The following NBAS variants were observed in gnomAD, a reference collection of about 807,000 sequenced individuals.
The protein encoded by NBAS is NAG/BC035112 fusion.
A neutral mutation model predicts 302.5 loss-of-function variants in NBAS; 219 were observed. That is an observed-to-expected ratio of 0.72 (90% confidence interval 0.65 to 0.81). The LOEUF is 0.81. Ranked by LOEUF, NBAS falls within the 30% of genes least tolerant of loss-of-function variation. NBAS has a pLI of 0.00. For synonymous variants in NBAS, 1,118 were observed against 1,021.6 expected (o/e 1.09, Z -1.80); for missense variants, 2,932 against 2,841.6 (o/e 1.03, Z -0.72).
chr2:15,008,221 G>A, the NBAS span, among the ~76,000 whole-genome samples: 3 of 152,132 alleles, frequency 2.0e-5, no homozygotes, highest in African/African-American at 7.2e-5. Context: ...GTCCGCATAG[G>A]GCCTCATCAT....
At chr2:14,784,039 T>A in the NBAS span, among the ~76,000 whole-genome samples, 128 of 143,008 alleles carry the variant, frequency 9.0e-4, no homozygotes, top group South Asian at 2.8e-3. Flanking sequence ...GGTATCTCAT[T>A]GTAGTTTTGA....
At chr2:14,933,477 C>A in the NBAS span, among the ~76,000 whole-genome samples, 1 of 152,164 alleles carries the variant, frequency 6.6e-6, no homozygotes, top group African/African-American at 2.4e-5. Context: ...TAATTATTAA[C>A]TGTAACATTA....
chr2:15,391,729 T>C (rs1420957536), intron 28 of NBAS, among the ~76,000 whole-genome samples: 1 of 151,850 alleles, frequency 6.6e-6, no homozygotes, highest in African/African-American at 2.4e-5. Context: ...GAAATTAAAT[T>C]TGAAACTGAT....
Position 15,450,258 on chromosome 2 carries a change from G to A in NBAS, c.2339+10943C>T, listed in dbSNP as rs1678944180. Among the ~76,000 whole-genome samples, 3 of 152,038 alleles carry A rather than the reference G, an allele frequency of 2.0e-5. No individual in the cohort carries two copies. The South Asian group carries it at 6.2e-4, about 32-fold the overall frequency. ...TTCATTTTCACCTAACAAATTAATT[G>A]GGAATATATTTTGTACTCTGTGAAT... On this transcript the variant is annotated intron_variant, in intron 21 of 51. Transcript: ENST00000281513.
In NBAS at chr2:15,277,121, G is replaced by A. The variant is rs1219813432; in HGVS notation, c.5139-20C>T. The A allele has an allele frequency of 4.3e-6, 7 of 1,611,670 alleles. No individual in the cohort carries two copies. The highest frequency in any genetic ancestry group is 1.1e-5 in the South Asian group (1 of 90,698). On this transcript the variant is annotated intron_variant, in intron 42 of 51. Transcript: ENST00000281513. ...GACAAACTGAAATTAAGAGCCAAAG[G>A]AACTGTGTTAAGATTTTGTTCCTTT... is the stretch of plus-strand genomic sequence containing the variant.
the NBAS span, among the ~76,000 whole-genome samples, chr2:14,900,574 T>C: frequency 6.6e-6 from 1 of 152,214 alleles, no homozygotes; most frequent in Admixed American, 6.5e-5. Flanking sequence ...AAGAATTCCT[T>C]CTCTTCTATA....
chr2:15,541,012 C>A (rs1663789257), intron 6 of NBAS, among the ~76,000 whole-genome samples: 1 of 152,150 alleles, frequency 6.6e-6, no homozygotes, highest in Non-Finnish European at 1.5e-5. Flanking sequence ...GCGTGAGCCA[C>A]CGCACCCCGC....
chr2:14,878,436 C>T, the NBAS span, among the ~76,000 whole-genome samples: 1 of 152,110 alleles, frequency 6.6e-6, no homozygotes, highest in Non-Finnish European at 1.5e-5. Context: ...TGCATGTGAG[C>T]TGCTTACCAA....
chr2:15,557,532 C>T (rs1479185036), intron 2 of NBAS, among the ~76,000 whole-genome samples: 3 of 152,046 alleles, frequency 2.0e-5, no homozygotes, highest in Non-Finnish European at 4.4e-5. Flanking sequence ...TATGCTAGTG[C>T]TTCTTGTATC....
At chr2:14,971,116 T>C in the NBAS span, among the ~76,000 whole-genome samples, 5 of 152,188 alleles carry the variant, frequency 3.3e-5, no homozygotes, top group African/African-American at 9.7e-5. Flanking sequence ...CTTGAACCAA[T>C]TTCTTGAAGT....
chr2:15,019,854 C>T, the NBAS span, among the ~76,000 whole-genome samples: 2 of 152,108 alleles, frequency 1.3e-5, no homozygotes, highest in Non-Finnish European at 2.9e-5. Context: ...CAACAGAAAA[C>T]GACTCTGTTA....
chr2:14,890,274 G>C, the NBAS span, among the ~76,000 whole-genome samples: 3 of 152,218 alleles, frequency 2.0e-5, no homozygotes. Context: ...GATAATGAAA[G>C]AGTTTTAGCT....
chr2:15,482,065 C>T (rs1361505820), intron 12 of NBAS, among the ~76,000 whole-genome samples: 2 of 152,166 alleles, frequency 1.3e-5, no homozygotes, highest in Non-Finnish European at 2.9e-5. Context: ...TTTGTCCCAT[C>T]ATATTTTTAC....
At position 15,218,848 on chromosome 2, in the gene NBAS, C is replaced by G; in HGVS notation, c.6357G>C (p.Leu2119=). 1 of 1,614,260 alleles carries G rather than the reference C, an allele frequency of 6.2e-7. No homozygotes were observed. The highest frequency in any genetic ancestry group is 8.5e-7 in the Non-Finnish European group (1 of 1,180,056). ...CGAGGAGCTTGCTGTCCTCCTCAGT[C>G]AGGTGAAATGATTGCCCCAAAATCT... ...VLQILGQSFH[L]TEEDSKLLVF... The change falls in exon 48 of 52, where the codon CTG becomes CTC. Residue 2119 remains leucine (L), a synonymous_variant. Coordinates refer to ENST00000281513, the MANE Select transcript of NBAS (RefSeq NM_015909.4).
chr2:15,338,489 GA>G (rs1445041609), intron 35 of NBAS, among the ~76,000 whole-genome samples: 1 of 152,066 alleles, frequency 6.6e-6, no homozygotes, highest in East Asian at 1.9e-4. Context: ...ATACTCTATG[GA>G]GTAAATCACT....
intron 51 of NBAS, among the ~76,000 whole-genome samples, chr2:15,176,930 ACT>A (rs1243834051): frequency 2.0e-5 from 3 of 152,162 alleles, no homozygotes; most frequent in Non-Finnish European, 4.4e-5. Context: ...AAAATGGAAA[ACT>A]CTGTAAAACC....
At chr2:15,325,668 G>A (rs929340954) in intron 38 of NBAS, among the ~76,000 whole-genome samples, 1 of 152,096 alleles carries the variant, frequency 6.6e-6, no homozygotes, top group Non-Finnish European at 1.5e-5. Context: ...CTTCTATCCA[G>A]GCCACTAAAA....
At chr2:15,127,520 G>A in the NBAS span, among the ~76,000 whole-genome samples, 1 of 152,144 alleles carries the variant, frequency 6.6e-6, no homozygotes, top group Non-Finnish European at 1.5e-5. Flanking sequence ...CTGAGGCCTG[G>A]CAAGGAAACA....
At chr2:15,186,116 G>A (rs1360761205) in intron 50 of NBAS, among the ~76,000 whole-genome samples, 1 of 149,890 alleles carries the variant, frequency 6.7e-6, no homozygotes, top group African/African-American at 2.5e-5. Context: ...ACACATATGT[G>A]TATGTATGTG....
Sources: allele counts gnomAD v4.1 joint callset (sites outside exome capture counted in the v4.1 genomes callset), GRCh38; gene constraint gnomAD v4.1.1; transcripts MANE v1.5; gene names NCBI Gene and HGNC (gene_info 2026-07-23, HGNC 2026-07-21).